Variants in RELN observed in about 807,000 individuals in gnomAD.
RELN encodes the protein reelin.
In RELN, 108 loss-of-function variants were observed where a neutral mutation model predicts 427.6. The observed-to-expected ratio is 0.25, with a 90% CI of 0.22 to 0.30. The LOEUF is 0.30. RELN is among the 10% of genes least tolerant of loss of function. RELN has a pLI of 1.00. For synonymous variants in RELN, 1,524 were observed against 1,513.4 expected, an observed-to-expected ratio of 1.01 and a Z score of -0.16; for missense variants, 3,715 against 4,302.8, an observed-to-expected ratio of 0.86 and a Z score of 3.82.
chr7:103,631,284 T>C (rs949446379), intron 19 of RELN, among the ~76,000 whole-genome samples: 1 of 105,946 alleles, frequency 9.4e-6, no homozygotes, highest in Admixed American at 1.2e-4. Context: ...TTAAAAACAC[T>C]TCTTTTTTTT....
rs1828849563 is a variant in RELN, at chr7:103,496,624, A to G, written c.9095T>C (p.Val3032Ala). ...CTGAGCACGCTCCACCCCAGAGACCACAATTCCATTGCTGATCACAAAAGG... is the reference window on the plus strand; with the variant it reads ...CTGAGCACGCTCCACCCCAGAGACCGCAATTCCATTGCTGATCACAAAAGG... ...WQPFVISNGIVVSGVERAQWA... is the reference protein window; with the variant it reads ...WQPFVISNGIAVSGVERAQWA... Residue 3032 changes from valine (V) to alanine (A), a missense_variant, in exon 56 of 65, where the codon GTG becomes GCG. Val to Ala is a moderately conservative substitution (Grantham distance 64). This residue lies in a region of RELN where 1,310 missense variants were observed against 1,643.0 expected (regional missense o/e 0.80). Transcript: ENST00000428762. 9.3e-6 allele frequency: 15 copies of G among 1,614,192 alleles called. No homozygotes were observed. The highest frequency in any genetic ancestry group is 1.1e-5 in the Non-Finnish European group (13 of 1,180,014).
chr7:103,645,924 A>G (rs1181150892), intron 16 of RELN, among the ~76,000 whole-genome samples: 1 of 151,912 alleles, frequency 6.6e-6, no homozygotes, highest in Non-Finnish European at 1.5e-5. Flanking sequence ...TCAAAATCAT[A>G]TCAAATACCT....
chr7:103,563,690 A>G lies in RELN; in HGVS notation c.5210+1588T>C, dbSNP rs1276688421. 1.3e-5 allele frequency among the ~76,000 whole-genome samples: 2 copies of G among 152,050 alleles called. No individual in the cohort carries two copies. The highest frequency in any genetic ancestry group is 1.3e-4 in the Admixed American group (2 of 15,262). Reference sequence around the variant, plus strand: ...ACATTCACTCACCACTCACTCACCCACTCACCCAGAGCAACTTCCAGTCCT... The same window carrying G: ...ACATTCACTCACCACTCACTCACCCGCTCACCCAGAGCAACTTCCAGTCCT... On this transcript the variant is annotated intron_variant, in intron 34 of 64. Transcript: ENST00000428762. This position sits in a 1 kb window ranked among gnomAD's most constrained non-coding sequence, Gnocchi z 4.1.
Position 103,983,863 on chromosome 7 carries a change from C to CTGTGTGTGTGTG in RELN, c.226+5256_226+5267dup, listed in dbSNP as rs59702742. ...ATGTGACACAAAGAACTTCATATTTCTGTGTGTGTGTGTGTGTGTGTGTGT... is the reference window on the plus strand; with the variant it reads ...ATGTGACACAAAGAACTTCATATTTCTGTGTGTGTGTGTGTGTGTGTGTGTGTGTGTGTGTGT... On this transcript the variant is annotated intron_variant, in intron 1 of 64. Coordinates refer to ENST00000428762, the MANE Select transcript of RELN (RefSeq NM_005045.4). Among the ~76,000 whole-genome samples the CTGTGTGTGTGTG allele has an allele frequency of 2.2e-3, 330 of 148,538 alleles. 1 individual carries two copies. The highest frequency in any genetic ancestry group is 6.9e-3 in the Middle Eastern group (2 of 290).
At chr7:103,679,929 C>G (rs1318498637) in intron 11 of RELN, among the ~76,000 whole-genome samples, 1 of 152,008 alleles carries the variant, frequency 6.6e-6, no homozygotes, top group Non-Finnish European at 1.5e-5. Flanking sequence ...TGTTTTTGTA[C>G]CAAGTCTCCA....
intron 49 of RELN, among the ~76,000 whole-genome samples, chr7:103,516,193 G>A (rs145499588): frequency 7.7e-4 from 117 of 151,842 alleles, no homozygotes; most frequent in African/African-American, 2.7e-3. Context: ...GAAAACCCAG[G>A]AACATATCAA....
intron 11 of RELN, among the ~76,000 whole-genome samples, chr7:103,663,393 A>G (rs548005902): frequency 2.6e-5 from 4 of 152,268 alleles, no homozygotes; most frequent in African/African-American, 9.6e-5. Flanking sequence ...CATCTTCAGA[A>G]AATAAATGAA....
Position 103,593,684 on chromosome 7 carries a change from T to C in RELN, c.3910A>G (p.Lys1304Glu). The change falls in exon 27 of 65, where the codon AAG becomes GAG. Residue 1304 changes from lysine (K) to glutamate (E), a missense_variant and splice_region_variant. This residue lies in a region of RELN where 2,208 missense variants were observed against 2,361.7 expected (regional missense o/e 0.93). Coordinates refer to ENST00000428762, the MANE Select transcript of RELN (RefSeq NM_005045.4). ...TLKPGYVLQFKLNIGCANQFS... is the reference protein window; with the variant it reads ...TLKPGYVLQFELNIGCANQFS... ...GGAAGAAGCTTGTGCATAAATACCT[T>C]GAACTGTAGCACATATCCAGGTTTC... is the stretch of plus-strand genomic sequence containing the variant. 1 of 1,612,254 alleles carries C rather than the reference T, an allele frequency of 6.2e-7. No individual in the cohort carries two copies. Among genetic ancestry groups the C allele is most frequent in the Non-Finnish European group, 8.5e-7 (1 of 1,178,356 alleles).
chr7:103,908,799 C>A (rs73183748), intron 2 of RELN, among the ~76,000 whole-genome samples: 2 of 152,064 alleles, frequency 1.3e-5, no homozygotes, highest in East Asian at 3.9e-4. Context: ...GAATAAAGAC[C>A]AAATGTAAGT....
chr7:103,926,634 T>TTTG (rs1409442464), intron 1 of RELN, among the ~76,000 whole-genome samples: 1 of 21,820 alleles, frequency 4.6e-5, no homozygotes, highest in Non-Finnish European at 8.0e-5. Flanking sequence ...TAAGTTTTTT[T>TTTG]TTTTTTTTTT....
intron 27 of RELN, among the ~76,000 whole-genome samples, chr7:103,590,616 G>A (rs998141814): frequency 6.6e-6 from 1 of 151,596 alleles, no homozygotes; most frequent in Non-Finnish European, 1.5e-5. Context: ...AATAAAATCA[G>A]TGTCAACTTA....
chr7:103,628,374 C>T (rs571562750), intron 20 of RELN: 5 of 152,356 alleles, frequency 3.3e-5, no homozygotes, highest in African/African-American at 1.2e-4. Context: ...GAACGAAACT[C>T]TGTCTCAGAA....
Position 103,621,862 on chromosome 7 carries a change from A to G in RELN, c.2702+8078T>C, listed in dbSNP as rs202110002. On this transcript the variant is annotated intron_variant, in intron 20 of 64. Transcript: ENST00000428762. ...GAAACCTTGTTTCTACTAAAAATAC[A>G]AAAATAAGCCATGTGTGGTGGCAGG... is the stretch of plus-strand genomic sequence containing the variant. Among the ~76,000 whole-genome samples, 4 of 152,190 alleles carry G rather than the reference A, an allele frequency of 2.6e-5. No homozygotes were observed. The East Asian group carries it at 7.7e-4, about 29-fold the overall frequency.
At chr7:103,486,501 A>C (rs768058756) in intron 60 of RELN, 85 bp from the exon 61 acceptor site, 44 of 1,077,498 alleles carry the variant, frequency 4.1e-5, no homozygotes, top group Non-Finnish European at 5.7e-5. Context: ...GTTCAGGTTT[A>C]AGTAGTTGTT....
Position 103,664,636 on chromosome 7 carries a change from C to T in RELN, c.1290-3109G>A, listed in dbSNP as rs535321854. On this transcript the variant is annotated intron_variant, in intron 11 of 64. Coordinates refer to ENST00000428762, the MANE Select transcript of RELN (RefSeq NM_005045.4). ...AGGTTCCTGTTTCCCCACAAGCTTG[C>T]CATCACTTCATTTTGTCAAGCTTTT... 2.6e-5 allele frequency among the ~76,000 whole-genome samples: 4 copies of T among 152,216 alleles called. No homozygotes were observed. The East Asian group carries it at 7.7e-4, about 29-fold the overall frequency.
intron 1 of RELN, among the ~76,000 whole-genome samples, chr7:103,939,993 C>T (rs895065625): frequency 2.6e-5 from 4 of 152,104 alleles, no homozygotes; most frequent in African/African-American, 9.7e-5. Flanking sequence ...CGTGAAAACT[C>T]AACAATCTGT....
At position 103,953,098 on chromosome 7, in the gene RELN, C is replaced by T. The variant is rs1408148574; in HGVS notation, c.227-35913G>A. Among the ~76,000 whole-genome samples, 21 of 152,204 alleles carry T rather than the reference C, an allele frequency of 1.4e-4. No individual in the cohort carries two copies. In the East Asian group the frequency reaches 2.5e-3, roughly 18 times the overall value. ...CTACCGTTCTCTTCCTCATCCCACGCGCTGATTCAAGCTCCAAGATTCCTG... is the reference window on the plus strand; with the variant it reads ...CTACCGTTCTCTTCCTCATCCCACGTGCTGATTCAAGCTCCAAGATTCCTG... On this transcript the variant is annotated intron_variant, in intron 1 of 64. Coordinates refer to ENST00000428762, the MANE Select transcript of RELN (RefSeq NM_005045.4). This position sits in a 1 kb window ranked among gnomAD's most constrained non-coding sequence, Gnocchi z 4.3.
chr7:103,692,986 A>AT (rs2115753176), intron 10 of RELN, among the ~76,000 whole-genome samples: 1 of 152,198 alleles, frequency 6.6e-6, no homozygotes, highest in South Asian at 2.1e-4. Flanking sequence ...TGTGAGTGAG[A>AT]TTTTCTGAGT....
chr7:103,544,765 G>A (rs1007507676), intron 42 of RELN, among the ~76,000 whole-genome samples: 3 of 152,192 alleles, frequency 2.0e-5, no homozygotes, highest in South Asian at 2.1e-4. Flanking sequence ...TAAGCAGTTT[G>A]TGGTAAAGCA....
Sources: allele counts gnomAD v4.1 joint callset (sites outside exome capture counted in the v4.1 genomes callset), GRCh38; gene constraint gnomAD v4.1.1; regional missense constraint gnomAD v4.1.1; non-coding constraint Gnocchi (gnomAD v3.1); transcripts MANE v1.5; gene names NCBI Gene and HGNC (gene_info 2026-07-23, HGNC 2026-07-21).